The following ZC3H11A variants were observed in gnomAD, a reference collection of about 807,000 sequenced individuals.
The protein encoded by ZC3H11A is zinc finger CCCH-type containing 11A.
In ZC3H11A, 22 loss-of-function variants were observed where a neutral mutation model predicts 90.8. That is an observed-to-expected ratio of 0.24 (90% confidence interval 0.17 to 0.35). The LOEUF is 0.35. ZC3H11A is among the 10% of genes least tolerant of loss of function. ZC3H11A has a pLI of 1.00. For synonymous variants in ZC3H11A, 294 were observed against 339.8 expected, an observed-to-expected ratio of 0.87 and a Z score of 1.48; for missense variants, 701 against 964.9, an observed-to-expected ratio of 0.73 and a Z score of 3.62.
intron 2 of ZC3H11A, among the ~76,000 whole-genome samples, chr1:203,810,128 T>G (rs1417798366): frequency 1.3e-5 from 2 of 151,290 alleles, no homozygotes; most frequent in African/African-American, 2.4e-5. Flanking sequence ...TGGAGTGGTG[T>G]TTTTTTTGTT....
At chr1:203,833,618 G>GTTTTTTTTTTTTTTT (rs553171669) in intron 9 of ZC3H11A, among the ~76,000 whole-genome samples, 173 bp from the exon 10 acceptor site, 4 of 124,816 alleles carry the variant, frequency 3.2e-5, no homozygotes, top group Non-Finnish European at 6.6e-5. Flanking sequence ...ATAGGTTTGG[G>GTTTTTTTTTTTTTTT]TTTTTTTTTT....
intron 1 of ZC3H11A, chr1:203,798,633 C>A (rs1404128284): frequency 3.9e-6 from 6 of 1,535,956 alleles, no homozygotes; most frequent in Non-Finnish European, 4.4e-6. Flanking sequence ...TTCAGATGAA[C>A]CTATGTTAGA....
intron 2 of ZC3H11A, among the ~76,000 whole-genome samples, chr1:203,804,150 G>GTTTTTT (rs1209891980): frequency 2.3e-5 from 3 of 131,018 alleles, no homozygotes; most frequent in South Asian, 2.4e-4. Context: ...TCCTGTATAT[G>GTTTTTT]TGTTTTTTTT....
rs562156122 is a variant in ZC3H11A, at chr1:203,797,190, G to T, written c.-1588+1396G>T. 4.6e-5 allele frequency: 8 copies of T among 172,958 alleles called. No individual in the cohort carries two copies. In the South Asian group the frequency reaches 1.3e-3, roughly 28 times the overall value. 10.7% of individuals were successfully genotyped at this position (172,958 alleles called of 1,614,324 possible). On this transcript the variant is annotated intron_variant, in intron 1 of 17. Transcript: ENST00000367210. Reference sequence around the variant, plus strand: ...ATGGATCTGGGATTTGGAAGACCTGGCTTCTAGCTGCTACTAACCAACTCT... The same window carrying T: ...ATGGATCTGGGATTTGGAAGACCTGTCTTCTAGCTGCTACTAACCAACTCT...
At chr1:203,829,362 C>G in intron 5 of ZC3H11A, 89 bp from the exon 6 acceptor site, 1 of 1,293,138 alleles carries the variant, frequency 7.7e-7, no homozygotes, top group Non-Finnish European at 1.1e-6. Flanking sequence ...AAGACAAATA[C>G]ACTATAGTTT....
chr1:203,809,417 C>T (rs1673577929), intron 2 of ZC3H11A, among the ~76,000 whole-genome samples: 3 of 151,756 alleles, frequency 2.0e-5, no homozygotes, highest in Non-Finnish European at 4.4e-5. Flanking sequence ...CCTCGTGATC[C>T]GCCCATCTCC....
In ZC3H11A at chr1:203,798,033, A is replaced by C; in HGVS notation, c.-1588+2239A>C. 2.0e-6 allele frequency: 3 copies of C among 1,534,412 alleles called. No homozygotes were observed. The highest frequency in any genetic ancestry group is 2.6e-6 in the Non-Finnish European group (3 of 1,145,406). Reference sequence around the variant, plus strand: ...ACCAGGTAGCCATCTTGGTACATCTACTCTTCAACGACATCTGCAAGCAAG... The same window carrying C: ...ACCAGGTAGCCATCTTGGTACATCTCCTCTTCAACGACATCTGCAAGCAAG... On this transcript the variant is annotated intron_variant, in intron 1 of 17. Transcript: ENST00000367210.
intron 12 of ZC3H11A, among the ~76,000 whole-genome samples, chr1:203,843,496 T>A (rs1419209435): frequency 6.6e-6 from 1 of 152,224 alleles, no homozygotes; most frequent in Non-Finnish European, 1.5e-5. Flanking sequence ...TTCAACTTTA[T>A]TTTTTAGACA....
chr1:203,813,801 A>G (rs192128127), intron 2 of ZC3H11A, among the ~76,000 whole-genome samples: 95 of 152,082 alleles, frequency 6.2e-4, no homozygotes, highest in Middle Eastern at 3.4e-3. Flanking sequence ...CCACATGGTC[A>G]TCTTCTCCTT....
intron 2 of ZC3H11A, among the ~76,000 whole-genome samples, chr1:203,815,968 A>G (rs1248376531): frequency 1.3e-5 from 2 of 152,196 alleles, no homozygotes; most frequent in African/African-American, 4.8e-5. Context: ...TGGAATCACT[A>G]TTATGGAAAG....
intron 4 of ZC3H11A, among the ~76,000 whole-genome samples, chr1:203,823,043 G>T (rs527682001): frequency 2.6e-5 from 4 of 151,564 alleles, no homozygotes; most frequent in Admixed American, 2.0e-4. Flanking sequence ...ATTGATAAAG[G>T]AGTACTCTGC....
intron 9 of ZC3H11A, 149 bp from the exon 10 acceptor site, chr1:203,833,642 A>G (rs1364739375): frequency 3.6e-6 from 1 of 275,438 alleles, no homozygotes; most frequent in Non-Finnish European, 6.0e-6. Context: ...TTTTTGATAT[A>G]ATGGCCTTCC....
At chr1:203,804,271 C>T (rs1325327619) in intron 2 of ZC3H11A, among the ~76,000 whole-genome samples, 1 of 151,766 alleles carries the variant, frequency 6.6e-6, no homozygotes, top group African/African-American at 2.4e-5. Context: ...CCTGCCTCAG[C>T]CTCCCGAGTA....
intron 4 of ZC3H11A, among the ~76,000 whole-genome samples, chr1:203,826,306 T>A (rs1406891287): frequency 6.6e-6 from 1 of 151,762 alleles, no homozygotes; most frequent in Non-Finnish European, 1.5e-5. Context: ...CAGTAGCCTA[T>A]ACTTTTAAAA....
intron 4 of ZC3H11A, among the ~76,000 whole-genome samples, chr1:203,820,221 C>T (rs1678065283): frequency 6.9e-6 from 1 of 145,844 alleles, no homozygotes; most frequent in Non-Finnish European, 1.5e-5. Context: ...GGTGACAGGG[C>T]GAGACTCCAT....
intron 2 of ZC3H11A, among the ~76,000 whole-genome samples, chr1:203,813,076 T>C (rs2102686005): frequency 6.6e-6 from 1 of 152,314 alleles, no homozygotes; most frequent in South Asian, 2.1e-4. Flanking sequence ...TCAGACCTTA[T>C]CAGTTATGTT....
chr1:203,798,361 T>G (rs1558086847), intron 1 of ZC3H11A: 1 of 1,534,464 alleles, frequency 6.5e-7, no homozygotes, highest in African/African-American at 1.4e-5. Context: ...CCTCAGCACA[T>G]CTCAAGAGCT....
intron 4 of ZC3H11A, among the ~76,000 whole-genome samples, chr1:203,819,566 C>CTTTTTTTTTT (rs1677763711): frequency 1.1e-5 from 1 of 91,990 alleles, no homozygotes; most frequent in African/African-American, 4.4e-5. Context: ...CAGAGTTTTG[C>CTTTTTTTTTT]TCTTGTTGCC....
chr1:203,819,077 A>T (rs12750595), intron 4 of ZC3H11A, among the ~76,000 whole-genome samples: 76,798 of 132,222 alleles, frequency 0.58, 21,208 homozygotes, highest in Middle Eastern at 0.68. Context: ...CAAAAAAAAA[A>T]ATATATATAT....
Sources: allele counts gnomAD v4.1 joint callset (sites outside exome capture counted in the v4.1 genomes callset), GRCh38; gene constraint gnomAD v4.1.1; transcripts MANE v1.5; gene names NCBI Gene and HGNC (gene_info 2026-07-23, HGNC 2026-07-21).